Variants in PIBF1 observed in about 807,000 individuals in gnomAD.
PIBF1 encodes progesterone immunomodulatory binding factor 1.
In PIBF1, 90 loss-of-function variants were observed where a neutral mutation model predicts 112.5. The ratio of observed to expected loss-of-function variants is 0.80; its 90% CI spans 0.67 to 0.95. PIBF1 has a LOEUF of 0.95. PIBF1 is among the 40% of genes least tolerant of loss of function. The probability of loss-of-function intolerance (pLI) is 0.00; values close to 1 mark genes in which losing one functional copy is unlikely to be tolerated. For missense variants in PIBF1, 915 were observed against 852.3 expected, an observed-to-expected ratio of 1.07 and a Z score of -0.92; for synonymous variants, 301 against 288.6, an observed-to-expected ratio of 1.04 and a Z score of -0.44.
chr13:72,828,260 A>G (rs1257044724), intron 8 of PIBF1, among the ~76,000 whole-genome samples: 1 of 144,244 alleles, frequency 6.9e-6, no homozygotes, highest in African/African-American at 2.6e-5. Context: ...GAAGTGAGAT[A>G]TGTTTGCTTT....
chr13:72,823,890 GA>G (rs1258186590), intron 6 of PIBF1, among the ~76,000 whole-genome samples: 5 of 152,082 alleles, frequency 3.3e-5, no homozygotes, highest in Admixed American at 3.3e-4. Flanking sequence ...ATGCTATTTA[GA>G]AATTTAGGAT....
chr13:72,906,209 G>A (rs1467061236), intron 11 of PIBF1, among the ~76,000 whole-genome samples: 1 of 152,030 alleles, frequency 6.6e-6, no homozygotes, highest in African/African-American at 2.4e-5. Context: ...TTGTTAATTT[G>A]GAGATTATTT....
At chr13:72,972,992 G>A (rs950842611) in intron 15 of PIBF1, among the ~76,000 whole-genome samples, 14 of 152,170 alleles carry the variant, frequency 9.2e-5, no homozygotes, top group African/African-American at 2.7e-4. Context: ...TTTTATGTGA[G>A]TTTCTTTATC....
intron 4 of PIBF1, among the ~76,000 whole-genome samples, chr13:72,797,304 A>G (rs2035245008): frequency 6.6e-6 from 1 of 152,230 alleles, no homozygotes; most frequent in African/African-American, 2.4e-5. Context: ...ACAGCGGTGT[A>G]TAAACCAGAC....
Position 72,842,260 on chromosome 13 carries a change from A to C in PIBF1, c.1223+6892A>C, listed in dbSNP as rs1248325553. On this transcript the variant is annotated intron_variant, in intron 9 of 17. Coordinates refer to ENST00000326291, the MANE Select transcript of PIBF1 (RefSeq NM_006346.4). ...TAAGGTGGTCTTGTTAACTGTAAACACAGAGCTATTCTGAGTGGTGCTCTA... is the reference window on the plus strand; with the variant it reads ...TAAGGTGGTCTTGTTAACTGTAAACCCAGAGCTATTCTGAGTGGTGCTCTA... 2.6e-5 allele frequency among the ~76,000 whole-genome samples: 4 copies of C among 152,200 alleles called. No individual in the cohort carries two copies. In the East Asian group the frequency reaches 7.7e-4, roughly 29 times the overall value.
intron 8 of PIBF1, among the ~76,000 whole-genome samples, chr13:72,832,343 C>G (rs893348226): frequency 6.6e-6 from 1 of 151,928 alleles, no homozygotes; most frequent in Non-Finnish European, 1.5e-5. Context: ...TTAGTTGATG[C>G]AGTTTCTTCA....
chr13:72,901,130 C>G (rs761726136), intron 11 of PIBF1: 2 of 422,434 alleles, frequency 4.7e-6, no homozygotes, highest in Non-Finnish European at 9.4e-6. Context: ...AACAGACAAC[C>G]CACAAAGTGG....
chr13:72,996,055 A>G (rs17089863), intron 16 of PIBF1, among the ~76,000 whole-genome samples: 2,634 of 130,814 alleles, frequency 0.02, 31 homozygotes, highest in Middle Eastern at 0.047. Context: ...CTACATCACA[A>G]TCAAATGTTC....
At chr13:72,978,052 G>A (rs554919216) in intron 16 of PIBF1, among the ~76,000 whole-genome samples, 72 of 151,794 alleles carry the variant, frequency 4.7e-4, no homozygotes, top group African/African-American at 1.7e-3. Flanking sequence ...TGAATTGAGA[G>A]CTTATACCTG....
At chr13:72,976,945 T>C (rs1179106912) in intron 16 of PIBF1, among the ~76,000 whole-genome samples, 2 of 152,160 alleles carry the variant, frequency 1.3e-5, no homozygotes, top group East Asian at 1.9e-4. Context: ...AGGAGGTGCC[T>C]ACTCTCAGAG....
At chr13:72,815,108 A>G (rs545512745) in intron 5 of PIBF1, among the ~76,000 whole-genome samples, 29 of 152,376 alleles carry the variant, frequency 1.9e-4, no homozygotes, top group African/African-American at 5.8e-4. Flanking sequence ...TGAAAAAGAA[A>G]GTTCTGAGAA....
chr13:73,015,524 A>G (rs2274912), intron 17 of PIBF1, among the ~76,000 whole-genome samples: 28,998 of 152,146 alleles, frequency 0.19, 2,861 homozygotes, highest in East Asian at 0.25. Context: ...ATGAATATCT[A>G]TTATCTATAT....
chr13:73,014,779 G>A (rs912149018), intron 17 of PIBF1, among the ~76,000 whole-genome samples: 3 of 148,870 alleles, frequency 2.0e-5, no homozygotes, highest in African/African-American at 7.4e-5. Context: ...CAGCCGCCTT[G>A]ACCTCCTGGG....
At chr13:72,963,463 G>A (rs566703546) in intron 14 of PIBF1, among the ~76,000 whole-genome samples, 30 of 152,050 alleles carry the variant, frequency 2.0e-4, no homozygotes, top group African/African-American at 5.8e-4. Flanking sequence ...GCATGGTGGC[G>A]CACGCCTCTA....
chr13:72,906,640 A>T (rs1191314868), intron 11 of PIBF1, among the ~76,000 whole-genome samples: 3 of 152,286 alleles, frequency 2.0e-5, no homozygotes, highest in Middle Eastern at 3.4e-3. Context: ...CCACATCAGT[A>T]GTTTTTCAGG....
chr13:72,996,239 A>C (rs540198216), intron 16 of PIBF1, among the ~76,000 whole-genome samples: 1 of 150,156 alleles, frequency 6.7e-6, no homozygotes, highest in Non-Finnish European at 1.5e-5. Context: ...GGGCCAAGGC[A>C]ATCAACTGAA....
At chr13:72,786,726 GC>G (rs1411560941) in intron 2 of PIBF1, among the ~76,000 whole-genome samples, 6 of 152,140 alleles carry the variant, frequency 3.9e-5, no homozygotes, top group African/African-American at 1.4e-4. Context: ...TAAGTGTACT[GC>G]CAGGTTATCT....
intron 3 of PIBF1, among the ~76,000 whole-genome samples, chr13:72,793,335 T>C (rs767070961): frequency 6.6e-6 from 1 of 152,202 alleles, no homozygotes; most frequent in Non-Finnish European, 1.5e-5. Context: ...ACTGATATTG[T>C]AAAAAATTAT....
At chr13:72,836,990 T>C (rs2037389748) in intron 9 of PIBF1, among the ~76,000 whole-genome samples, 1 of 152,084 alleles carries the variant, frequency 6.6e-6, no homozygotes, top group Non-Finnish European at 1.5e-5. Flanking sequence ...TTCTGCCTAT[T>C]TTTTCTTGTT....
Sources: allele counts gnomAD v4.1 joint callset (sites outside exome capture counted in the v4.1 genomes callset), GRCh38; gene constraint gnomAD v4.1.1; transcripts MANE v1.5; gene names NCBI Gene and HGNC (gene_info 2026-07-23, HGNC 2026-07-21).